Variants in CADM2 observed in about 807,000 individuals in gnomAD.
CADM2 encodes cell adhesion molecule 2, also known as immunoglobulin superfamily member 4D.
Under a neutral mutation model 49.8 loss-of-function variants are expected in CADM2, and 12 were observed. That is an observed-to-expected ratio of 0.24 (90% CI 0.15 to 0.39). CADM2 has a LOEUF of 0.39. CADM2 is among the 10% of genes least tolerant of loss of function. CADM2 has a pLI of 1.00. For synonymous variants in CADM2, 214 were observed against 175.4 expected (o/e 1.22, Z -1.74); for missense variants, 378 against 492.3 (o/e 0.77, Z 2.20).
At chr3:85,343,140 A>G (rs2030113849) in intron 1 of CADM2, among the ~76,000 whole-genome samples, 1 of 152,174 alleles carries the variant, frequency 6.6e-6, no homozygotes, top group African/African-American at 2.4e-5. Flanking sequence ...AGGGGCAGGG[A>G]TGCTGTTACA....
intron 1 of CADM2, among the ~76,000 whole-genome samples, chr3:85,598,649 A>C (rs537904116): frequency 1.6e-3 from 248 of 151,582 alleles, no homozygotes; most frequent in Non-Finnish European, 1.4e-3. Flanking sequence ...TGGTCATTTA[A>C]AAAAAAATAT....
chr3:84,996,083 A>C (rs1315899410), intron 1 of CADM2, among the ~76,000 whole-genome samples: 1 of 152,144 alleles, frequency 6.6e-6, no homozygotes. Flanking sequence ...TTACTCTCCC[A>C]ACCCTGTTTG....
chr3:85,453,095 C>G (rs1173935965), intron 1 of CADM2, among the ~76,000 whole-genome samples: 1 of 152,056 alleles, frequency 6.6e-6, no homozygotes, highest in East Asian at 1.9e-4. Flanking sequence ...CACAGTCAGC[C>G]TTTATTTGTT....
At chr3:85,192,604 A>G (rs2041234818) in intron 1 of CADM2, among the ~76,000 whole-genome samples, 1 of 149,358 alleles carries the variant, frequency 6.7e-6, no homozygotes, top group Admixed American at 6.7e-5. Context: ...GAATTCATAT[A>G]TATATATATA....
At chr3:85,308,722 G>T (rs1008014092) in intron 1 of CADM2, among the ~76,000 whole-genome samples, 2 of 151,954 alleles carry the variant, frequency 1.3e-5, no homozygotes, top group African/African-American at 4.8e-5. Context: ...GTATAAAGCA[G>T]ACCCATGTTC....
chr3:86,011,795 G>A, intron 8 of CADM2, among the ~76,000 whole-genome samples: 1 of 152,090 alleles, frequency 6.6e-6, no homozygotes, highest in African/African-American at 2.4e-5. Context: ...ATTCAGTAAG[G>A]TGGAAACGTA....
At chr3:85,120,179 G>T (rs927900579) in intron 1 of CADM2, among the ~76,000 whole-genome samples, 2 of 152,118 alleles carry the variant, frequency 1.3e-5, no homozygotes, top group Admixed American at 1.3e-4. Flanking sequence ...TAAAAGTCAG[G>T]AAACAACAGA....
intron 1 of CADM2, among the ~76,000 whole-genome samples, chr3:85,682,128 A>C: frequency 6.6e-6 from 1 of 152,146 alleles, no homozygotes; most frequent in East Asian, 1.9e-4. Flanking sequence ...CTGAAAAATT[A>C]AACGATACAG....
intron 2 of CADM2, among the ~76,000 whole-genome samples, chr3:85,775,648 T>C (rs2070324692): frequency 6.6e-6 from 1 of 151,906 alleles, no homozygotes; most frequent in Admixed American, 6.6e-5. Context: ...AATTCAGCTC[T>C]ATAAAATAGA....
At chr3:85,935,893 T>C (rs1721139350) in intron 7 of CADM2, 36 bp downstream of exon 7, 1 of 1,289,824 alleles carries the variant, frequency 7.8e-7, no homozygotes, top group Non-Finnish European at 1.1e-6. Context: ...CTTTTAACTT[T>C]TTTTCTTTTA....
At chr3:85,653,740 C>A (rs1028032416) in intron 1 of CADM2, among the ~76,000 whole-genome samples, 1 of 151,880 alleles carries the variant, frequency 6.6e-6, no homozygotes, top group African/African-American at 2.4e-5. Context: ...TACGGCATCA[C>A]CTAGGGAGTG....
At chr3:85,421,244 C>A (rs1459589941) in intron 1 of CADM2, among the ~76,000 whole-genome samples, 2 of 152,038 alleles carry the variant, frequency 1.3e-5, no homozygotes, top group Admixed American at 1.3e-4. Context: ...TTATTATATA[C>A]CCTAATTTTG....
chr3:85,054,498 G>A (rs2036003054), intron 1 of CADM2, among the ~76,000 whole-genome samples: 1 of 151,816 alleles, frequency 6.6e-6, no homozygotes, highest in Non-Finnish European at 1.5e-5. Context: ...GAGTAGGTGA[G>A]CCATGGAATT....
intron 1 of CADM2, among the ~76,000 whole-genome samples, chr3:85,082,037 A>T (rs1197331457): frequency 2.0e-5 from 3 of 152,180 alleles, no homozygotes; most frequent in Admixed American, 2.0e-4. Context: ...GGGCATATAT[A>T]TTATCCACAT....
intron 1 of CADM2, among the ~76,000 whole-genome samples, chr3:84,984,048 T>TATACACACAC (rs1224516135): frequency 1.4e-5 from 2 of 143,306 alleles, no homozygotes; most frequent in African/African-American, 5.2e-5. Context: ...TATATATATA[T>TATACACACAC]ACACACACAC....
intron 1 of CADM2, among the ~76,000 whole-genome samples, chr3:85,292,076 A>G (rs577931205): frequency 1.3e-5 from 2 of 150,756 alleles, no homozygotes; most frequent in South Asian, 4.2e-4. Flanking sequence ...TAGGCTCAAA[A>G]TAAAAGGATG....
At chr3:85,621,286 A>G (rs2063968995) in intron 1 of CADM2, among the ~76,000 whole-genome samples, 1 of 152,150 alleles carries the variant, frequency 6.6e-6, no homozygotes, top group African/African-American at 2.4e-5. Flanking sequence ...TGTTATATAA[A>G]CCAGTGTATA....
intron 1 of CADM2, among the ~76,000 whole-genome samples, chr3:85,691,101 A>G (rs2066372519): frequency 6.6e-6 from 1 of 152,050 alleles, no homozygotes; most frequent in Non-Finnish European, 1.5e-5. Context: ...GGTAAACGCT[A>G]TTCTACTCTT....
chr3:85,957,077 C>A (rs1652918376), intron 7 of CADM2, among the ~76,000 whole-genome samples: 1 of 151,616 alleles, frequency 6.6e-6, no homozygotes, highest in Non-Finnish European at 1.5e-5. Context: ...GGCAAGATTT[C>A]TACATTGCTA....
Sources: allele counts gnomAD v4.1 joint callset (sites outside exome capture counted in the v4.1 genomes callset), GRCh38; gene constraint gnomAD v4.1.1; transcripts MANE v1.5; gene names NCBI Gene and HGNC (gene_info 2026-07-23, HGNC 2026-07-21).